Variants in RABGEF1 observed in about 807,000 individuals in gnomAD.
RABGEF1 encodes rab5 GDP/GTP exchange factor.
A neutral mutation model predicts 57.3 loss-of-function variants in RABGEF1; 26 were observed. The observed-to-expected ratio is 0.45, with a 90% CI of 0.33 to 0.63. The LOEUF (loss-of-function observed/expected upper bound fraction) is 0.63. Among genes scored for constraint, RABGEF1 ranks in the 20% least tolerant of loss-of-function variants. The pLI, the probability that RABGEF1 is intolerant of heterozygous loss-of-function variation, is 0.02. For missense variants in RABGEF1, 464 were observed against 607.6 expected (o/e 0.76, Z 2.48); for synonymous variants, 185 against 210.7 (o/e 0.88, Z 1.06).
At chr7:66,664,875 ATG>A in the RABGEF1 span, among the ~76,000 whole-genome samples, 3 of 152,170 alleles carry the variant, frequency 2.0e-5, no homozygotes, top group African/African-American at 7.2e-5. Context: ...CTGCACGAGC[ATG>A]TGTTTAGTGT....
intron 2 of RABGEF1, among the ~76,000 whole-genome samples, chr7:66,773,127 C>T (rs1045687115): frequency 4.9e-4 from 73 of 150,006 alleles, no homozygotes; most frequent in Non-Finnish European, 8.3e-4. Flanking sequence ...TTGAGTGACT[C>T]CTTTGCTGTC....
chr7:66,678,294 G>C (rs542112262), upstream of RABGEF1, among the ~76,000 whole-genome samples: 1 of 152,162 alleles, frequency 6.6e-6, no homozygotes, highest in East Asian at 1.9e-4. Context: ...GGCCGGGCGC[G>C]GTGGCTCACG....
intron 4 of RABGEF1, among the ~76,000 whole-genome samples, chr7:66,794,207 ATT>A (rs1174835014): frequency 0.12 from 11,310 of 91,206 alleles, 515 homozygotes; most frequent in Middle Eastern, 0.19. Context: ...TCCATGTTTA[ATT>A]TTTTTTTTTT....
At chr7:66,788,858 G>A (rs1034679653) in intron 4 of RABGEF1, among the ~76,000 whole-genome samples, 1 of 152,018 alleles carries the variant, frequency 6.6e-6, no homozygotes, top group Admixed American at 6.6e-5. Flanking sequence ...GGGAGGCTGA[G>A]GCAGGAGAAT....
chr7:66,807,380 A>C (rs915375511), intron 8 of RABGEF1, among the ~76,000 whole-genome samples: 1 of 152,190 alleles, frequency 6.6e-6, no homozygotes, highest in Non-Finnish European at 1.5e-5. Flanking sequence ...TTGTTCTGCA[A>C]CTTCTGTTGT....
chr7:66,793,108 C>T (rs1279293556), intron 4 of RABGEF1, among the ~76,000 whole-genome samples: 1 of 152,100 alleles, frequency 6.6e-6, no homozygotes. Context: ...ACAGGCCTCT[C>T]GGGTCTCTAA....
chr7:66,742,767 C>T (rs575835395), intron 1 of RABGEF1, among the ~76,000 whole-genome samples: 1 of 152,280 alleles, frequency 6.6e-6, no homozygotes, highest in Admixed American at 6.5e-5. Flanking sequence ...CCACCACACC[C>T]AGCTGATTTT....
chr7:66,689,040 C>A (rs1791131529), intron 1 of RABGEF1, among the ~76,000 whole-genome samples: 1 of 152,026 alleles, frequency 6.6e-6, no homozygotes, highest in African/African-American at 2.4e-5. Context: ...TTGCAGTGAG[C>A]CGAGATTGCA....
chr7:66,796,142 AAGAG>A (rs768450031), intron 5 of RABGEF1, among the ~76,000 whole-genome samples: 1 of 152,206 alleles, frequency 6.6e-6, no homozygotes, highest in Non-Finnish European at 1.5e-5. Context: ...GTCTTCAAAA[AAGAG>A]AGAGAGAAAG....
chr7:66,776,509 A>G (rs569085480), intron 3 of RABGEF1, among the ~76,000 whole-genome samples: 5 of 152,176 alleles, frequency 3.3e-5, no homozygotes, highest in African/African-American at 7.2e-5. Context: ...TCTGGGCAAC[A>G]TGGTGAAACC....
At chr7:66,753,700 C>CTTTTTTTTTTTTTTTTTTTTTT (rs1562788670) in intron 1 of RABGEF1, among the ~76,000 whole-genome samples, 1 of 78,510 alleles carries the variant, frequency 1.3e-5, no homozygotes, top group African/African-American at 3.8e-5. Flanking sequence ...ATTTTGCCAT[C>CTTTTTTTTTTTTTTTTTTTTTT]GTTTTTTTTT....
chr7:66,684,875 T>G (rs1461154056), intron 1 of RABGEF1, among the ~76,000 whole-genome samples: 3 of 152,172 alleles, frequency 2.0e-5, no homozygotes, highest in Non-Finnish European at 2.9e-5. Context: ...GACCTCGTGG[T>G]CTGCCCGCTT....
intron 2 of RABGEF1, among the ~76,000 whole-genome samples, chr7:66,731,865 G>A (rs1205975627): frequency 6.6e-6 from 1 of 152,198 alleles, no homozygotes; most frequent in Admixed American, 6.5e-5. Context: ...TGCCCAAGGT[G>A]CACAGTGAAA....
At chr7:66,805,114 G>A (rs760581312) in intron 7 of RABGEF1, 26 bp from the exon 8 acceptor site, 1 of 1,561,326 alleles carries the variant, frequency 6.4e-7, no homozygotes, top group South Asian at 1.1e-5. Flanking sequence ...TTTCTCCTGG[G>A]AAATATTGTC....
At chr7:66,732,128 C>G (rs542388425) in intron 2 of RABGEF1, among the ~76,000 whole-genome samples, 23 of 152,222 alleles carry the variant, frequency 1.5e-4, no homozygotes, top group Non-Finnish European at 2.8e-4. Flanking sequence ...ACGCCCGGCT[C>G]ACCAGGCCAC....
chr7:66,705,463 G>C (rs1793907619), intron 1 of RABGEF1, among the ~76,000 whole-genome samples: 1 of 140,440 alleles, frequency 7.1e-6, no homozygotes, highest in Non-Finnish European at 1.6e-5. Flanking sequence ...GAGAGAGAGA[G>C]AGAGAGAGAG....
the RABGEF1 span, among the ~76,000 whole-genome samples, chr7:66,676,261 TGACAGA>T: frequency 2.0e-5 from 3 of 151,938 alleles, no homozygotes; most frequent in Non-Finnish European, 4.4e-5. Flanking sequence ...CCAGCCTGGG[TGACAGA>T]GCGAGACTTC....
intron 1 of RABGEF1, among the ~76,000 whole-genome samples, chr7:66,762,650 C>T (rs1375078638): frequency 6.6e-6 from 1 of 152,088 alleles, no homozygotes; most frequent in Non-Finnish European, 1.5e-5. Flanking sequence ...CATGGTGGCT[C>T]ACATCTGTAA....
At chr7:66,767,834 A>G (rs1351553323) in intron 1 of RABGEF1, among the ~76,000 whole-genome samples, 2 of 152,212 alleles carry the variant, frequency 1.3e-5, no homozygotes, top group African/African-American at 4.8e-5. Context: ...TCTGTTTTTT[A>G]TAACCTACCC....
Sources: gnomAD v4.1 joint callset for allele counts (sites outside exome capture counted in the v4.1 genomes callset) on GRCh38, gnomAD v4.1.1 for gene constraint, MANE v1.5 for transcripts, NCBI Gene and HGNC (gene_info 2026-07-23, HGNC 2026-07-21) for gene names.